The following HMGA2 variants were observed in gnomAD, a reference collection of about 807,000 sequenced individuals.
HMGA2 encodes the protein high mobility group AT-hook 2, also known as high mobility group protein HMGI-C.
A neutral mutation model predicts 19.1 loss-of-function variants in HMGA2; 8 were observed. The observed-to-expected ratio is 0.42, with a 90% confidence interval of 0.25 to 0.76. The LOEUF (loss-of-function observed/expected upper bound fraction) is 0.76, where lower values mean the gene tolerates loss of function less well. HMGA2 is among the 30% of genes least tolerant of loss of function. The pLI is 0.28. For synonymous variants in HMGA2, 60 were observed against 48.8 expected (o/e 1.23, Z -0.96); for missense variants, 109 against 136.3 (o/e 0.80, Z 1.00).
chr12:65,860,836 C>T (rs1232435132), intron 3 of HMGA2, among the ~76,000 whole-genome samples: 3 of 152,070 alleles, frequency 2.0e-5, no homozygotes, highest in East Asian at 3.9e-4. Context: ...TGCTACTGTT[C>T]AATGAGATTA....
chr12:65,944,697 C>T (rs1268780486), intron 3 of HMGA2, among the ~76,000 whole-genome samples: 1 of 152,128 alleles, frequency 6.6e-6, no homozygotes, highest in African/African-American at 2.4e-5. Context: ...TGGGATTAAA[C>T]CATATGAAAT....
At chr12:65,875,816 C>A (rs1481655686) in intron 3 of HMGA2, among the ~76,000 whole-genome samples, 6 of 151,454 alleles carry the variant, frequency 4.0e-5, no homozygotes, top group African/African-American at 1.5e-4. Flanking sequence ...TTTGAACTAC[C>A]AACTTGGTGG....
At chr12:65,842,180 G>T in intron 3 of HMGA2, 1 of 1,102,534 alleles carries the variant, frequency 9.1e-7, no homozygotes, top group South Asian at 1.3e-5. Flanking sequence ...TCAAATTCTG[G>T]TCCGTCACTT....
intron 3 of HMGA2, among the ~76,000 whole-genome samples, chr12:65,919,269 T>C (rs1457396166): frequency 6.6e-6 from 1 of 152,228 alleles, no homozygotes; most frequent in Non-Finnish European, 1.5e-5. Context: ...GGCATTTTGG[T>C]GTACTTGTTA....
intron 3 of HMGA2, among the ~76,000 whole-genome samples, chr12:65,927,816 T>C (rs1448911354): frequency 7.0e-6 from 1 of 142,820 alleles, no homozygotes; most frequent in Non-Finnish European, 1.5e-5. Context: ...TCTCTGTCTC[T>C]CTCTCTCTTT....
chr12:65,835,129 G>A (rs868326535), intron 2 of HMGA2, among the ~76,000 whole-genome samples: 5 of 152,288 alleles, frequency 3.3e-5, no homozygotes, highest in Middle Eastern at 3.4e-3. Context: ...GTAGTATAAA[G>A]CCAAATTCTA....
At chr12:65,844,791 T>C (rs1057340103) in intron 3 of HMGA2, among the ~76,000 whole-genome samples, 1 of 152,244 alleles carries the variant, frequency 6.6e-6, no homozygotes, top group Non-Finnish European at 1.5e-5. Flanking sequence ...GCTTTGCTGC[T>C]GTGCCAAAAT....
chr12:65,866,299 A>C, intron 3 of HMGA2, among the ~76,000 whole-genome samples: 1 of 152,338 alleles, frequency 6.6e-6, no homozygotes, highest in East Asian at 1.9e-4. Flanking sequence ...TTATTAAAAA[A>C]ATACAGATGA....
intron 3 of HMGA2, among the ~76,000 whole-genome samples, chr12:65,844,988 C>A (rs1421490787): frequency 3.3e-5 from 5 of 152,126 alleles, no homozygotes. Flanking sequence ...AATCAGTGAC[C>A]ATTTTGTATG....
At chr12:65,876,748 G>C (rs911858225) in intron 3 of HMGA2, 2 of 152,164 alleles carry the variant, frequency 1.3e-5, no homozygotes, top group African/African-American at 2.4e-5. Flanking sequence ...GTTTTGAGTA[G>C]AGCTTTCCAG....
At chr12:65,842,668 A>G in intron 3 of HMGA2, 1 of 1,531,362 alleles carries the variant, frequency 6.5e-7, no homozygotes, top group Non-Finnish European at 8.7e-7. Context: ...CATCAGTTTG[A>G]AAAGAAGTAT....
At chr12:65,898,008 T>C (rs1592430282) in intron 3 of HMGA2, among the ~76,000 whole-genome samples, 2 of 152,052 alleles carry the variant, frequency 1.3e-5, no homozygotes, top group East Asian at 3.9e-4. Flanking sequence ...TCGGAAGGGA[T>C]AGCACAGTGC....
intron 4 of HMGA2, 55 bp from the exon 5 acceptor site, chr12:65,963,190 C>G: frequency 6.5e-7 from 1 of 1,543,094 alleles, no homozygotes; most frequent in Non-Finnish European, 9.0e-7. Context: ...TTGGCAAGAG[C>G]AGCCCACACA....
intron 3 of HMGA2, among the ~76,000 whole-genome samples, chr12:65,936,938 A>T (rs74357347): frequency 6.6e-4 from 100 of 152,192 alleles, no homozygotes; most frequent in African/African-American, 2.3e-3. Flanking sequence ...ATGTGAAGGG[A>T]ATGGAACTCA....
At chr12:65,946,444 A>G (rs1027773391) in intron 3 of HMGA2, among the ~76,000 whole-genome samples, 2 of 152,182 alleles carry the variant, frequency 1.3e-5, no homozygotes, top group Non-Finnish European at 1.5e-5. Context: ...TCTAAGGTCA[A>G]CTTGAGACCC....
chr12:65,953,033 T>C (rs1246548070), intron 4 of HMGA2: 1 of 152,206 alleles, frequency 6.6e-6, no homozygotes, highest in African/African-American at 2.4e-5. Flanking sequence ...TGAAATCCAC[T>C]ATGGTGGGAG....
At chr12:65,870,958 C>T (rs919056150) in intron 3 of HMGA2, among the ~76,000 whole-genome samples, 1 of 152,126 alleles carries the variant, frequency 6.6e-6, no homozygotes, top group African/African-American at 2.4e-5. Context: ...GCCGTGCATA[C>T]ATGCTTAAGG....
intron 3 of HMGA2, among the ~76,000 whole-genome samples, chr12:65,949,431 T>A (rs1876380437): frequency 6.6e-6 from 1 of 152,096 alleles, no homozygotes; most frequent in Admixed American, 6.5e-5. Context: ...TGCTGTTATT[T>A]GGGAGAACTG....
chr12:65,918,414 A>T (rs948195281), intron 3 of HMGA2, among the ~76,000 whole-genome samples: 5 of 152,108 alleles, frequency 3.3e-5, no homozygotes, highest in Non-Finnish European at 7.4e-5. Context: ...TGGTGAGAAA[A>T]CTTGGTGGTG....
Sources: gnomAD v4.1 joint callset for allele counts (sites outside exome capture counted in the v4.1 genomes callset) on GRCh38, gnomAD v4.1.1 for gene constraint, MANE v1.5 for transcripts, NCBI Gene and HGNC (gene_info 2026-07-23, HGNC 2026-07-21) for gene names.